The following CCN6 variants were observed in gnomAD, a reference collection of about 807,000 sequenced individuals.
CCN6 encodes the protein CCN family member 6.
A neutral mutation model predicts 37.4 loss-of-function variants in CCN6; 31 were observed. That is an observed-to-expected ratio of 0.83 (90% CI 0.62 to 1.12). The LOEUF is 1.12. Among genes scored for constraint, CCN6 ranks in the 50% most tolerant of loss-of-function variants. CCN6 has a pLI of 0.00. For missense variants in CCN6, 369 were observed against 413.8 expected (o/e 0.89, Z 0.94); for synonymous variants, 137 against 142.1 (o/e 0.96, Z 0.26).
At chr6:112,065,050 T>C (rs1776639395) in intron 3 of CCN6, 53 bp downstream of exon 3, 2 of 1,611,860 alleles carry the variant, frequency 1.2e-6, no homozygotes, top group South Asian at 2.2e-5. Flanking sequence ...TATTCCTTCA[T>C]GTTCCTTTTA....
chr6:112,060,845 G>GTAA, intron 1 of CCN6, 146 bp from the exon 2 acceptor site: 1 of 938,924 alleles, frequency 1.1e-6, no homozygotes, highest in Non-Finnish European at 1.6e-6. Flanking sequence ...TTTAAGGAGA[G>GTAA]TAATTGTGTC....
chr6:112,053,862 TGG>T (rs1554311214), upstream of CCN6, among the ~76,000 whole-genome samples: 1 of 74,504 alleles, frequency 1.3e-5, no homozygotes, highest in Non-Finnish European at 2.9e-5. Context: ...TGGGTGCTGT[TGG>T]TGGGGGGGCC....
chr6:112,061,010 G>A lies in CCN6; in HGVS notation c.68G>A (p.Gly23Asp), dbSNP rs1562595135. 1 of 1,614,082 alleles carries A rather than the reference G, an allele frequency of 6.2e-7. No homozygotes were observed. Among genetic ancestry groups the A allele is most frequent in the Non-Finnish European group, 8.5e-7 (1 of 1,180,014 alleles). Reference protein sequence around the residue: ...GLAQFCCRVQGTGPLDTTPEG... With the variant: ...GLAQFCCRVQDTGPLDTTPEG... The stretch of plus-strand genomic sequence containing the variant: ...ATGAAGTTCTGCTGCAGGGTACAGG[G>A]CACTGGACCATTAGATACAACACCT... Residue 23 changes from glycine (G) to aspartate (D), a missense_variant, in exon 2 of 5, where the codon GGC (glycine) becomes GAC (aspartate). Coordinates refer to ENST00000368666, the MANE Select transcript of CCN6 (RefSeq NM_198239.2).
In CCN6 at chr6:112,060,218, A is replaced by G. The variant is rs182011050; in HGVS notation, c.49-773A>G. ...AGTCACTCCATATGAGCAAAGAGTG[A>G]TATGAACTGGCTTATTTTTAAAGAA... On this transcript the variant is annotated intron_variant, in intron 1 of 4. Coordinates refer to ENST00000368666, the MANE Select transcript of CCN6 (RefSeq NM_198239.2). The G allele has an allele frequency of 1.3e-5, 15 of 1,189,058 alleles. No individual in the cohort carries two copies. The Admixed American group carries it at 3.6e-4, about 28-fold the overall frequency. 73.7% of individuals were successfully genotyped at this position (1,189,058 alleles called of 1,614,324 possible).
In CCN6 at chr6:112,060,183, G is replaced by A. The variant is rs189311543; in HGVS notation, c.49-808G>A. The A allele has an allele frequency of 1.5e-5, 19 of 1,296,846 alleles. No individual in the cohort carries two copies. In the African/African-American group the frequency reaches 2.9e-4, roughly 20 times the overall value. 80.3% of individuals were successfully genotyped at this position (1,296,846 alleles called of 1,614,324 possible). A position where few individuals can be genotyped will look rare whatever the true frequency, so the allele number is the denominator to read the frequency against. ...TTTGAATTTTACATGGAAATGGGAG[G>A]CCATGAGGAAGTCACTCCATATGAG... On this transcript the variant is annotated intron_variant, in intron 1 of 4. Coordinates refer to ENST00000368666, the MANE Select transcript of CCN6 (RefSeq NM_198239.2).
upstream of CCN6, among the ~76,000 whole-genome samples, chr6:112,053,028 G>A (rs963554696): frequency 2.6e-5 from 4 of 152,178 alleles, no homozygotes; most frequent in Non-Finnish European, 4.4e-5. Flanking sequence ...GATAGGTAAG[G>A]CAGCAGGAAA....
rs1776507450 is a variant in CCN6, at chr6:112,061,142, T to C, written c.200T>C (p.Leu67Pro). 3.1e-6 allele frequency: 5 copies of C among 1,614,120 alleles called. No homozygotes were observed. The highest frequency in any genetic ancestry group is 4.2e-6 in the Non-Finnish European group (5 of 1,180,024). ...QKPRCPPGVS[L>P]VRDGCGCCKI... Reference sequence around the variant, plus strand: ...CCCCGTTGCCCTCCTGGAGTGAGCCTGGTGAGAGATGGCTGTGGATGCTGT... The same window carrying C: ...CCCCGTTGCCCTCCTGGAGTGAGCCCGGTGAGAGATGGCTGTGGATGCTGT... Residue 67 changes from leucine to proline, a missense_variant, in exon 2 of 5, where the codon CTG becomes CCG. Transcript: ENST00000368666.
At chr6:112,061,878 G>A (rs587743022) in intron 2 of CCN6, among the ~76,000 whole-genome samples, 160 of 152,318 alleles carry the variant, frequency 1.1e-3, no homozygotes, top group African/African-American at 3.8e-3. Context: ...AATTCAGGGT[G>A]CCAAATTATT....
In CCN6 at chr6:112,066,779, TAATGCCCTCATGCTTTTTTC is replaced by T. The variant is rs587710857; in HGVS notation, c.590-1400_590-1381del. ...GGTCAGTATGAAGCACGCAATGACA[TAATGCCCTCATGCTTTTTTC>T]AATGCCCTCATGCTTTTTTCAATGC... On this transcript the variant is annotated intron_variant, in intron 3 of 4. Coordinates refer to ENST00000368666, the MANE Select transcript of CCN6 (RefSeq NM_198239.2). 7.5e-3 allele frequency among the ~76,000 whole-genome samples: 1,147 copies of T among 152,284 alleles called. 9 individuals carry two copies. The highest frequency in any genetic ancestry group is 0.024 in the African/African-American group (1,001 of 41,558).
In CCN6 at chr6:112,054,729, T is replaced by C. The variant is rs1464153421; in HGVS notation, c.48+324T>C. On this transcript the variant is annotated intron_variant, in intron 1 of 4. Coordinates refer to ENST00000368666, the MANE Select transcript of CCN6 (RefSeq NM_198239.2). Reference sequence around the variant, plus strand: ...CAGCCTGGCACAGTGCGGGAAACAGTGTCTCTCCATGCCAGCTCCAGGCGG... The same window carrying C: ...CAGCCTGGCACAGTGCGGGAAACAGCGTCTCTCCATGCCAGCTCCAGGCGG... 2.0e-5 allele frequency: 7 copies of C among 348,434 alleles called. No homozygotes were observed. In the East Asian group the frequency reaches 3.5e-4, roughly 17 times the overall value. 21.6% of individuals were successfully genotyped at this position (348,434 alleles called of 1,614,324 possible). A position where few individuals can be genotyped will look rare whatever the true frequency, so the allele number is the denominator to read the frequency against.
intron 3 of CCN6, among the ~76,000 whole-genome samples, chr6:112,067,566 A>G (rs587634338): frequency 5.3e-5 from 8 of 152,242 alleles, no homozygotes; most frequent in African/African-American, 1.4e-4. Context: ...ATTGGAGAGT[A>G]CTTTGGGCCT....
intron 1 of CCN6, chr6:112,059,968 C>G (rs375208376): frequency 4.7e-5 from 63 of 1,352,610 alleles, no homozygotes; most frequent in Non-Finnish European, 5.8e-5. Context: ...GAGGGCCTCA[C>G]TGAGAAATTT....
intron 2 of CCN6, among the ~76,000 whole-genome samples, chr6:112,063,970 T>C (rs1207882494): frequency 6.6e-6 from 1 of 152,204 alleles, no homozygotes; most frequent in Non-Finnish European, 1.5e-5. Context: ...TTAATAAAAT[T>C]AATACTTTTT....
At chr6:112,056,305 C>T (rs372010207) in intron 1 of CCN6, among the ~76,000 whole-genome samples, 61 of 152,104 alleles carry the variant, frequency 4.0e-4, no homozygotes, top group South Asian at 3.7e-3. Context: ...TACCCAGAAA[C>T]GGTTTTTATT....
intron 2 of CCN6, among the ~76,000 whole-genome samples, chr6:112,063,712 CA>C (rs1554313300): frequency 1.3e-5 from 2 of 151,874 alleles, no homozygotes; most frequent in Admixed American, 6.6e-5. Context: ...TGCTCATCTT[CA>C]AAAAAAATTT....
At chr6:112,063,117 ATAGC>A (rs1447700711) in intron 2 of CCN6, among the ~76,000 whole-genome samples, 1 of 152,224 alleles carries the variant, frequency 6.6e-6, no homozygotes, top group Non-Finnish European at 1.5e-5. Flanking sequence ...TCAATAGAAG[ATAGC>A]TAGAGTCGCA....
chr6:112,056,131 T>G (rs1776342063), intron 1 of CCN6, among the ~76,000 whole-genome samples: 2 of 152,176 alleles, frequency 1.3e-5, no homozygotes, highest in African/African-American at 4.8e-5. Flanking sequence ...GTGAAAAATA[T>G]AAGATTCTTT....
intron 3 of CCN6, among the ~76,000 whole-genome samples, chr6:112,067,475 A>G (rs113071551): frequency 0.021 from 3,271 of 152,168 alleles, 117 homozygotes; most frequent in African/African-American, 0.076. Context: ...GCACATTGGA[A>G]GGGCTCTATC....
chr6:112,061,182 G>A lies in CCN6; in HGVS notation c.240G>A (p.Lys80=). The A allele has an allele frequency of 6.2e-7, 1 of 1,614,158 alleles. No homozygotes were observed. Among genetic ancestry groups the A allele is most frequent in the Non-Finnish European group, 8.5e-7 (1 of 1,180,022 alleles). Residue 80 remains lysine, a synonymous_variant, in exon 2 of 5, where the codon AAG becomes AAA. Coordinates refer to ENST00000368666, the MANE Select transcript of CCN6 (RefSeq NM_198239.2). ...DGCGCCKICA[K]QPGEICNEAD... ...GTGGATGCTGTAAAATCTGTGCCAA[G>A]CAACCAGGGGAAATCTGCAATGAAG...
Sources: allele counts gnomAD v4.1 joint callset (sites outside exome capture counted in the v4.1 genomes callset), GRCh38; gene constraint gnomAD v4.1.1; transcripts MANE v1.5; gene names NCBI Gene and HGNC (gene_info 2026-07-23, HGNC 2026-07-21).